The following ST3GAL3 variants were observed in gnomAD, a reference collection of about 807,000 sequenced individuals.
ST3GAL3 encodes CMP-N-acetylneuraminate-beta-1,4-galactoside alpha-2,3-sialyltransferase.
In ST3GAL3, 21 loss-of-function variants were observed where a neutral mutation model predicts 50.1. That is an observed-to-expected ratio of 0.42 (90% CI 0.30 to 0.60). The LOEUF is 0.60. Ranked by LOEUF, ST3GAL3 falls within the 20% of genes least tolerant of loss-of-function variation. The pLI is 0.19. For missense variants in ST3GAL3, 353 were observed against 489.4 expected, an observed-to-expected ratio of 0.72 and a Z score of 2.63; for synonymous variants, 183 against 190.0, an observed-to-expected ratio of 0.96 and a Z score of 0.30.
intron 9 of ST3GAL3, chr1:43,914,043 A>C (rs2081373741): frequency 6.6e-6 from 1 of 152,220 alleles, no homozygotes; most frequent in East Asian, 1.9e-4. Flanking sequence ...CAGTCCCATC[A>C]GGCATTTCTC....
At chr1:43,774,859 G>A (rs975870108) in intron 2 of ST3GAL3, among the ~76,000 whole-genome samples, 4 of 152,174 alleles carry the variant, frequency 2.6e-5, no homozygotes, top group Admixed American at 1.3e-4. Context: ...AAGACATTAT[G>A]TGTCACCTCA....
chr1:43,880,064 C>A (rs1368382652), intron 5 of ST3GAL3, among the ~76,000 whole-genome samples: 4 of 152,180 alleles, frequency 2.6e-5, no homozygotes, highest in Non-Finnish European at 5.9e-5. Context: ...GTCTGGTTGG[C>A]CCTGGAAAAT....
intron 2 of ST3GAL3, among the ~76,000 whole-genome samples, chr1:43,754,612 G>A (rs1200068734): frequency 6.6e-6 from 1 of 152,228 alleles, no homozygotes; most frequent in African/African-American, 2.4e-5. Context: ...CCAGGTACAA[G>A]TGTAGAATTC....
At chr1:43,790,194 A>G (rs2057873771) in intron 2 of ST3GAL3, among the ~76,000 whole-genome samples, 1 of 152,252 alleles carries the variant, frequency 6.6e-6, no homozygotes, top group Non-Finnish European at 1.5e-5. Context: ...ATTGTTATTC[A>G]GCAAATATTG....
At chr1:43,920,332 G>C in intron 9 of ST3GAL3, 72 bp from the exon 10 acceptor site, 2 of 1,603,090 alleles carry the variant, frequency 1.2e-6, no homozygotes, top group Non-Finnish European at 1.7e-6. Flanking sequence ...CCCTACTTGG[G>C]GTCCCTGCCA....
At chr1:43,838,750 C>A in intron 5 of ST3GAL3, 1 of 267,078 alleles carries the variant, frequency 3.7e-6, no homozygotes, top group Non-Finnish European at 7.4e-6. Context: ...TGAGTTTTAG[C>A]ACTTTCCTTC....
intron 3 of ST3GAL3, among the ~76,000 whole-genome samples, chr1:43,814,011 G>C (rs1189915889): frequency 6.6e-6 from 1 of 151,958 alleles, no homozygotes; most frequent in Non-Finnish European, 1.5e-5. Context: ...TGTTTTTGAG[G>C]ACACAGGAAA....
rs116943403 is a variant in ST3GAL3, at chr1:43,918,249, G to A, written c.745-2155G>A. Among the ~76,000 whole-genome samples the A allele has an allele frequency of 4.2e-3, 633 of 151,358 alleles. 23 individuals carry two copies. In the East Asian group the frequency reaches 0.087, roughly 21 times the overall value. On this transcript the variant is annotated intron_variant, in intron 9 of 11. Coordinates refer to ENST00000347631, the MANE Select transcript of ST3GAL3 (RefSeq NM_006279.5). ...TCCTCCCACCTCAGCCTCCGATGGC[G>A]TGAGACTACAGGCACACGCCACCAT...
intron 5 of ST3GAL3, among the ~76,000 whole-genome samples, chr1:43,888,446 TGA>T (rs1468265222): frequency 3.3e-5 from 5 of 150,592 alleles, no homozygotes; most frequent in African/African-American, 1.2e-4. Context: ...TTTGCAAAAA[TGA>T]GGGGGGAAAT....
At position 43,799,038 on chromosome 1, in the gene ST3GAL3, A is replaced by G. The variant is rs967419357; in HGVS notation, c.166+6889A>G. Among the ~76,000 whole-genome samples the G allele has an allele frequency of 2.0e-5, 3 of 152,228 alleles. No homozygotes were observed. The South Asian group carries it at 6.2e-4, about 32-fold the overall frequency. On this transcript the variant is annotated intron_variant, in intron 3 of 11. Transcript: ENST00000347631. ...TATTGACACAGACGATGTCGAGGAT[A>G]TTGTTGAGTGAACAAAACAAACAAA...
intron 9 of ST3GAL3, among the ~76,000 whole-genome samples, chr1:43,906,480 C>T (rs1040420551): frequency 1.5e-5 from 2 of 129,478 alleles, no homozygotes; most frequent in East Asian, 2.6e-4. Flanking sequence ...CCCCTCTCCT[C>T]CTCCTGCTCC....
intron 9 of ST3GAL3, among the ~76,000 whole-genome samples, chr1:43,906,235 G>T (rs1333514497): frequency 1.2e-5 from 1 of 86,522 alleles, no homozygotes; most frequent in Non-Finnish European, 2.2e-5. Context: ...CCCTCCTCCT[G>T]CTCCTCTTCC....
intron 1 of ST3GAL3, among the ~76,000 whole-genome samples, chr1:43,712,437 A>G (rs2154058200): frequency 6.6e-6 from 1 of 152,274 alleles, no homozygotes; most frequent in South Asian, 2.1e-4. Context: ...TCATCCACAA[A>G]TGTGTACTGA....
intron 5 of ST3GAL3, among the ~76,000 whole-genome samples, chr1:43,882,654 G>A (rs1488083225): frequency 3.9e-5 from 6 of 152,134 alleles, no homozygotes; most frequent in South Asian, 2.1e-4. Flanking sequence ...AGATGTTTTC[G>A]GCTTTGTGGG....
intron 4 of ST3GAL3, among the ~76,000 whole-genome samples, chr1:43,831,309 C>T (rs555166324): frequency 2.0e-5 from 3 of 152,154 alleles, no homozygotes; most frequent in Non-Finnish European, 4.4e-5. Flanking sequence ...AGGGCCCTGG[C>T]CAAATAACGT....
intron 5 of ST3GAL3, among the ~76,000 whole-genome samples, chr1:43,892,206 G>C (rs2154265419): frequency 6.6e-6 from 1 of 152,288 alleles, no homozygotes; most frequent in African/African-American, 2.4e-5. Flanking sequence ...GCCTCCCAAA[G>C]TGCTGGGATT....
At position 43,759,059 on chromosome 1, in the gene ST3GAL3, G is replaced by GCA. The variant is rs1491311114; in HGVS notation, c.118+22680_118+22681insAC. ...ACTGTCTCCTAAAAAACAAACAAAA[G>GCA]CGCGCGCACACACACACACACACAC... On this transcript the variant is annotated intron_variant, in intron 2 of 11. Coordinates refer to ENST00000347631, the MANE Select transcript of ST3GAL3 (RefSeq NM_006279.5). 3.9e-3 allele frequency among the ~76,000 whole-genome samples: 257 copies of GCA among 66,262 alleles called. 2 individuals carry two copies. Among genetic ancestry groups the GCA allele is most frequent in the African/African-American group, 0.017 (242 of 14,542 alleles). The allele number at this position is 66,262 out of a possible 152,430, so 43.5% of individuals were successfully genotyped here. A position where few individuals can be genotyped will look rare whatever the true frequency, so the allele number is the denominator to read the frequency against.
intron 1 of ST3GAL3, among the ~76,000 whole-genome samples, chr1:43,710,901 C>T (rs1352784294): frequency 6.6e-6 from 1 of 152,166 alleles, no homozygotes; most frequent in Non-Finnish European, 1.5e-5. Flanking sequence ...CTGCTTCTAC[C>T]CACAGTATAA....
chr1:43,815,287 G>A (rs2061093574), intron 4 of ST3GAL3, among the ~76,000 whole-genome samples: 2 of 152,084 alleles, frequency 1.3e-5, no homozygotes, highest in African/African-American at 4.8e-5. Context: ...AAGATGCTCT[G>A]GCACCTGACA....
Sources: allele counts gnomAD v4.1 joint callset (sites outside exome capture counted in the v4.1 genomes callset), GRCh38; gene constraint gnomAD v4.1.1; transcripts MANE v1.5; gene names NCBI Gene and HGNC (gene_info 2026-07-23, HGNC 2026-07-21).